ITGAL: variants seen among roughly 807,000 people sequenced by gnomAD.
The protein encoded by ITGAL is integrin alpha-L.
A neutral mutation model predicts 138.4 loss-of-function variants in ITGAL; 68 were observed. That is an observed-to-expected ratio of 0.49 (90% confidence interval 0.40 to 0.60). The LOEUF is 0.60. Among genes scored for constraint, ITGAL ranks in the 20% least tolerant of loss-of-function variants. ITGAL has a pLI of 0.00. For missense variants in ITGAL, 1,256 were observed against 1,478.6 expected, an observed-to-expected ratio of 0.85 and a Z score of 2.47; for synonymous variants, 561 against 584.3, an observed-to-expected ratio of 0.96 and a Z score of 0.57.
At chr16:30,477,483 T>A (rs963438587) in intron 4 of ITGAL, 4 of 151,874 alleles carry the variant, frequency 2.6e-5, no homozygotes, top group African/African-American at 9.7e-5. Flanking sequence ...AAGGCTGCAG[T>A]GAGCTTGATC....
At chr16:30,475,874 C>T (rs2050463891) in intron 4 of ITGAL, among the ~76,000 whole-genome samples, 1 of 151,520 alleles carries the variant, frequency 6.6e-6, no homozygotes, top group Non-Finnish European at 1.5e-5. Context: ...ACCTCAGCCT[C>T]CCAATTAGCT....
intron 11 of ITGAL, among the ~76,000 whole-genome samples, chr16:30,489,774 A>G (rs2050698779): frequency 6.6e-6 from 1 of 151,890 alleles, no homozygotes; most frequent in South Asian, 2.1e-4. Context: ...TGTCTCTACT[A>G]AAAATACAAA....
chr16:30,514,161 A>G (rs1265353705), intron 25 of ITGAL, among the ~76,000 whole-genome samples: 2 of 152,178 alleles, frequency 1.3e-5, no homozygotes, highest in African/African-American at 4.8e-5. Context: ...CCCAGGCTTG[A>G]GTGCAGTGGT....
chr16:30,499,990 C>G (rs1261914115), intron 17 of ITGAL, among the ~76,000 whole-genome samples: 2 of 150,226 alleles, frequency 1.3e-5, no homozygotes, highest in Non-Finnish European at 3.0e-5. Context: ...CTCTGGTGAT[C>G]TGCCTGCATT....
chr16:30,499,618 A>G, intron 17 of ITGAL, 129 bp downstream of exon 17: 1 of 730,164 alleles, frequency 1.4e-6, no homozygotes, highest in South Asian at 2.0e-5. Flanking sequence ...GTGCAATGGT[A>G]GTAATAACAC....
intron 7 of ITGAL, among the ~76,000 whole-genome samples, chr16:30,482,826 T>C (rs1419764632): frequency 6.6e-6 from 1 of 152,058 alleles, no homozygotes; most frequent in African/African-American, 2.4e-5. Context: ...ACAGGAATTT[T>C]CTTTTTCTTT....
intron 25 of ITGAL, among the ~76,000 whole-genome samples, chr16:30,515,585 C>T (rs2051154746): frequency 1.3e-5 from 2 of 152,222 alleles, no homozygotes. Flanking sequence ...TTCCCAGGCA[C>T]CCTCCTTCCA....
chr16:30,505,602 A>T (rs936565148), intron 20 of ITGAL, 140 bp downstream of exon 20: 6 of 682,280 alleles, frequency 8.8e-6, no homozygotes, highest in African/African-American at 1.8e-5. Context: ...TTGAGGCTGA[A>T]CTCAGGGGCT....
At chr16:30,486,214 C>T (rs1348357193) in intron 9 of ITGAL, among the ~76,000 whole-genome samples, 1 of 152,110 alleles carries the variant, frequency 6.6e-6, no homozygotes, top group East Asian at 1.9e-4. Context: ...GTTAAAGAAG[C>T]AATGGGCTGA....
chr16:30,512,261 A>G (rs773871764), intron 24 of ITGAL, among the ~76,000 whole-genome samples: 11 of 152,074 alleles, frequency 7.2e-5, no homozygotes, highest in Non-Finnish European at 1.3e-4. Context: ...TGCTATTTCA[A>G]AAAAACCTGT....
At position 30,510,879 on chromosome 16, in the gene ITGAL, A is replaced by G; in HGVS notation, c.2620-2A>G. 6.2e-7 allele frequency: 1 copy of G among 1,613,624 alleles called. No homozygotes were observed. Among genetic ancestry groups the G allele is most frequent in the Non-Finnish European group, 8.5e-7 (1 of 1,179,676 alleles). ...TTCCATTGCCCTCTCCTTTCCTGCC[A>G]GGTTGCTCTGCAGATGATGTTTAAT... On this transcript the variant is annotated splice_acceptor_variant, in intron 22 of 30. Coordinates refer to ENST00000356798, the MANE Select transcript of ITGAL (RefSeq NM_002209.3). LOFTEE classifies it high-confidence loss of function.
At chr16:30,513,620 C>A in intron 24 of ITGAL, 151 bp from the exon 25 acceptor site, 1 of 635,480 alleles carries the variant, frequency 1.6e-6, no homozygotes, top group Admixed American at 2.6e-5. Flanking sequence ...TGTCCAGGAG[C>A]CTTAGTTTCT....
chr16:30,516,281 G>A (rs1371525452), intron 25 of ITGAL, among the ~76,000 whole-genome samples: 3 of 151,486 alleles, frequency 2.0e-5, no homozygotes, highest in Non-Finnish European at 4.4e-5. Flanking sequence ...CCAGGTTGGA[G>A]TGCAGTGGCA....
intron 6 of ITGAL, 83 bp downstream of exon 6, chr16:30,479,544 A>T (rs1597065363): frequency 7.4e-7 from 1 of 1,352,544 alleles, no homozygotes; most frequent in East Asian, 2.5e-5. Flanking sequence ...AAATGTTAGT[A>T]TGTGGAATCC....
At chr16:30,478,656 C>A (rs1277628549) in intron 4 of ITGAL, among the ~76,000 whole-genome samples, 1 of 144,972 alleles carries the variant, frequency 6.9e-6, no homozygotes, top group African/African-American at 2.6e-5. Context: ...CGAGATCATG[C>A]CATGCAGTCC....
intron 17 of ITGAL, among the ~76,000 whole-genome samples, chr16:30,501,375 A>G (rs2050895044): frequency 6.6e-6 from 1 of 151,992 alleles, no homozygotes; most frequent in Admixed American, 6.6e-5. Context: ...TGGCAGTCCA[A>G]GACCAGCCTG....
chr16:30,485,276 G>GAGTGCAGTAGCGCAGTCTCTGCTCACTGC (rs2050627652), intron 9 of ITGAL, among the ~76,000 whole-genome samples: 1 of 144,838 alleles, frequency 6.9e-6, no homozygotes, highest in Non-Finnish European at 1.5e-5. Flanking sequence ...GCCCAGGCTG[G>GAGTGCAGTAGCGCAGTCTCTGCTCACTGC]AGTGCAGTGG....
chr16:30,497,000 C>G (rs2050810099), intron 15 of ITGAL, among the ~76,000 whole-genome samples: 1 of 152,040 alleles, frequency 6.6e-6, no homozygotes, highest in Admixed American at 6.6e-5. Flanking sequence ...TGGCTCACAC[C>G]TGTAATCCCA....
At chr16:30,518,271 A>C (rs958340980) in intron 28 of ITGAL, among the ~76,000 whole-genome samples, 1 of 151,942 alleles carries the variant, frequency 6.6e-6, no homozygotes, top group Non-Finnish European at 1.5e-5. Context: ...AACATGGTGA[A>C]ACCCTGTCTG....
Sources: allele counts gnomAD v4.1 joint callset (sites outside exome capture counted in the v4.1 genomes callset), GRCh38; gene constraint gnomAD v4.1.1; transcripts MANE v1.5; gene names NCBI Gene and HGNC (gene_info 2026-07-23, HGNC 2026-07-21).